SND1: variants seen among roughly 807,000 people sequenced by gnomAD.
SND1 encodes the protein staphylococcal nuclease and tudor domain containing 1, also known as staphylococcal nuclease domain-containing protein 1.
In SND1, 38 loss-of-function variants were observed where a neutral mutation model predicts 121.7. The ratio of observed to expected loss-of-function variants is 0.31; its 90% CI spans 0.24 to 0.41. The LOEUF is 0.41. SND1 is among the 10% of genes least tolerant of loss of function. SND1 has a pLI of 1.00. For missense variants in SND1, 868 were observed against 1,184.6 expected (o/e 0.73, Z 3.92); for synonymous variants, 401 against 447.4 (o/e 0.90, Z 1.31).
Position 127,912,115 on chromosome 7 carries a change from G to A in SND1, c.1527+7296G>A, listed in dbSNP as rs1437466721. Reference sequence around the variant, plus strand: ...CAGGCATAAGCCACAACACCTGGCTGTCTATAGTTTCTTTGTTCATATGAC... The same window carrying A: ...CAGGCATAAGCCACAACACCTGGCTATCTATAGTTTCTTTGTTCATATGAC... On this transcript the variant is annotated intron_variant, in intron 14 of 23. Transcript: ENST00000354725. Among the ~76,000 whole-genome samples, 4 of 152,250 alleles carry A rather than the reference G, an allele frequency of 2.6e-5. No homozygotes were observed. The East Asian group carries it at 7.7e-4, about 29-fold the overall frequency.
At chr7:127,696,608 A>T (rs1449506300) in intron 3 of SND1, among the ~76,000 whole-genome samples, 1 of 152,156 alleles carries the variant, frequency 6.6e-6, no homozygotes, top group Admixed American at 6.5e-5. Flanking sequence ...CCCACAAGAG[A>T]CCTTACCGGA....
intron 16 of SND1, among the ~76,000 whole-genome samples, chr7:128,006,514 G>A (rs922969463): frequency 1.3e-5 from 2 of 152,188 alleles, no homozygotes; most frequent in African/African-American, 4.8e-5. Flanking sequence ...CTGGTGGGAG[G>A]ACCAGGGTTC....
intron 10 of SND1, among the ~76,000 whole-genome samples, chr7:127,731,118 C>T (rs1796667706): frequency 6.6e-6 from 1 of 152,230 alleles, no homozygotes; most frequent in African/African-American, 2.4e-5. Flanking sequence ...TTCCAGCCTC[C>T]CGTCTCCCTT....
chr7:127,669,644 G>A (rs1377292920), intron 1 of SND1, among the ~76,000 whole-genome samples: 6 of 152,132 alleles, frequency 3.9e-5, no homozygotes, highest in Non-Finnish European at 8.8e-5. Context: ...TTACCCCAAA[G>A]CCTATATCCA....
rs747838871 is a variant in SND1, at chr7:127,998,016, C to T, written c.1779+6960C>T. On this transcript the variant is annotated intron_variant, in intron 16 of 23. Transcript: ENST00000354725. Reference sequence around the variant, plus strand: ...TACAAGGGATCTATGACCCAAGTCTCTCCCCACTAGCTTGTAAGCTCCTCA... The same window carrying T: ...TACAAGGGATCTATGACCCAAGTCTTTCCCCACTAGCTTGTAAGCTCCTCA... 64 of 525,544 alleles carry T rather than the reference C, an allele frequency of 1.2e-4. 1 individual carries two copies. Among genetic ancestry groups the T allele is most frequent in the South Asian group, 9.0e-4 (64 of 71,444 alleles). The allele number at this position is 525,544 out of a possible 1,614,324, so 32.6% of individuals were successfully genotyped here.
intron 11 of SND1, among the ~76,000 whole-genome samples, chr7:127,840,629 A>C (rs1231018823): frequency 1.3e-5 from 2 of 152,194 alleles, no homozygotes; most frequent in Non-Finnish European, 2.9e-5. Context: ...GTTTTAATTG[A>C]AGCTGTTAAA....
chr7:127,753,527 C>G (rs1797140007), intron 10 of SND1, among the ~76,000 whole-genome samples: 2 of 151,992 alleles, frequency 1.3e-5, no homozygotes, highest in Admixed American at 1.3e-4. Flanking sequence ...CAATCAGATC[C>G]TTGCTTATTC....
intron 16 of SND1, among the ~76,000 whole-genome samples, chr7:127,993,537 C>T (rs565059646): frequency 2.0e-5 from 3 of 152,356 alleles, no homozygotes; most frequent in East Asian, 1.9e-4. Flanking sequence ...CCACAGTGCA[C>T]GACAGTGCAG....
chr7:127,678,544 T>C (rs1001415568), intron 1 of SND1, among the ~76,000 whole-genome samples: 5 of 141,738 alleles, frequency 3.5e-5, no homozygotes, highest in African/African-American at 1.2e-4. Context: ...GTTTGCCTCT[T>C]GTTCTTGCCA....
At position 127,695,498 on chromosome 7, in the gene SND1, G is replaced by A. The variant is rs182652862; in HGVS notation, c.349+550G>A. Among the ~76,000 whole-genome samples the A allele has an allele frequency of 5.1e-4, 78 of 152,216 alleles. 1 individual carries two copies. Among genetic ancestry groups the A allele is most frequent in the African/African-American group, 1.8e-3 (76 of 41,526 alleles). On this transcript the variant is annotated intron_variant, in intron 3 of 23. Coordinates refer to ENST00000354725, the MANE Select transcript of SND1 (RefSeq NM_014390.4). ...CTTACTTAACCCTTAACCTCTGTAA[G>A]CCCTAGTTTCTTCATTTGTAAGTTA... is the stretch of plus-strand genomic sequence containing the variant.
At chr7:127,717,817 G>A (rs1340905829) in intron 9 of SND1, among the ~76,000 whole-genome samples, 1 of 152,174 alleles carries the variant, frequency 6.6e-6, no homozygotes, top group Non-Finnish European at 1.5e-5. Flanking sequence ...TCAGGAAGCT[G>A]TTGAACAAAA....
At position 127,825,533 on chromosome 7, in the gene SND1, G is replaced by A. The variant is rs776780884; in HGVS notation, c.1242+17960G>A. Among the ~76,000 whole-genome samples the A allele has an allele frequency of 5.9e-5, 9 of 151,686 alleles. No homozygotes were observed. In the South Asian group the frequency reaches 8.3e-4, roughly 14 times the overall value. On this transcript the variant is annotated intron_variant, in intron 11 of 23. Transcript: ENST00000354725. ...AGCAATTCTTGTGCCTCAACCTCCC[G>A]AGTAGCTGGGATTAATAGTGTGTGC...
At chr7:127,968,690 G>C (rs1009005951) in intron 15 of SND1, among the ~76,000 whole-genome samples, 5 of 152,212 alleles carry the variant, frequency 3.3e-5, no homozygotes, top group Non-Finnish European at 7.3e-5. Context: ...GAGCACACAG[G>C]ATGCAATTGT....
chr7:127,809,719 A>G (rs1798299494), intron 11 of SND1, among the ~76,000 whole-genome samples: 1 of 152,208 alleles, frequency 6.6e-6, no homozygotes. Context: ...TGCCTAGACT[A>G]TTATTTGACC....
chr7:127,656,259 A>C (rs1186859289), intron 1 of SND1, among the ~76,000 whole-genome samples: 1 of 151,430 alleles, frequency 6.6e-6, no homozygotes, highest in African/African-American at 2.4e-5. Context: ...TCCCACCTAT[A>C]ATTCAGTTCA....
At chr7:127,932,305 C>T (rs1423646287) in intron 15 of SND1, among the ~76,000 whole-genome samples, 1 of 152,172 alleles carries the variant, frequency 6.6e-6, no homozygotes, top group Non-Finnish European at 1.5e-5. Flanking sequence ...GAGGAAGTAA[C>T]TGCAGATATG....
At chr7:127,922,199 T>G (rs199581988) in intron 14 of SND1, among the ~76,000 whole-genome samples, 4,268 of 93,142 alleles carry the variant, frequency 0.046, 68 homozygotes, top group African/African-American at 0.11. Flanking sequence ...TTTTTTTTTT[T>G]TTTTGTTTTG....
intron 10 of SND1, among the ~76,000 whole-genome samples, chr7:127,777,426 G>A (rs1797641574): frequency 6.6e-6 from 1 of 152,224 alleles, no homozygotes; most frequent in African/African-American, 2.4e-5. Flanking sequence ...AGAGGAAAGA[G>A]ATTCTTTCAG....
intron 16 of SND1, chr7:128,008,109 A>T (rs962459878): frequency 1.3e-5 from 2 of 152,240 alleles, no homozygotes; most frequent in Non-Finnish European, 2.9e-5. Flanking sequence ...GGCATATAAA[A>T]GGGAGTAGGT....
Sources: allele counts gnomAD v4.1 joint callset (sites outside exome capture counted in the v4.1 genomes callset), GRCh38; gene constraint gnomAD v4.1.1; transcripts MANE v1.5; gene names NCBI Gene and HGNC (gene_info 2026-07-23, HGNC 2026-07-21).